The following SMAD1 variants were observed in gnomAD, a reference collection of about 807,000 sequenced individuals.
The protein encoded by SMAD1 is MAD, mothers against decapentaplegic homolog 1.
SMAD1 carries 6 observed loss-of-function variants against 41.6 expected under a neutral mutation model. The observed-to-expected ratio is 0.14, with a 90% confidence interval of 0.08 to 0.28. The LOEUF is 0.28. SMAD1 is among the 10% of genes least tolerant of loss of function. The probability of loss-of-function intolerance (pLI) is 1.00; values close to 1 mark genes in which losing one functional copy is unlikely to be tolerated. For missense variants in SMAD1, 379 were observed against 582.6 expected (o/e 0.65, Z 3.60); for synonymous variants, 206 against 203.2 (o/e 1.01, Z -0.12).
intron 1 of SMAD1, among the ~76,000 whole-genome samples, chr4:145,492,444 G>A (rs185137633): frequency 6.6e-6 from 1 of 152,196 alleles, no homozygotes; most frequent in African/African-American, 2.4e-5. Flanking sequence ...ATATTAAAAA[G>A]GATACAGATG....
intron 1 of SMAD1, among the ~76,000 whole-genome samples, chr4:145,492,205 G>A (rs1034631242): frequency 1.3e-5 from 2 of 152,050 alleles, no homozygotes; most frequent in African/African-American, 4.8e-5. Flanking sequence ...AACACTGGCT[G>A]GGCTGGGTGT....
chr4:145,516,190 C>T (rs893664954), intron 2 of SMAD1, among the ~76,000 whole-genome samples: 3 of 152,144 alleles, frequency 2.0e-5, no homozygotes, highest in Non-Finnish European at 2.9e-5. Flanking sequence ...TTATCATTCT[C>T]ATGCATGTTT....
intron 6 of SMAD1, among the ~76,000 whole-genome samples, chr4:145,555,368 T>C (rs1305814056): frequency 6.6e-6 from 1 of 152,232 alleles, no homozygotes; most frequent in Non-Finnish European, 1.5e-5. Context: ...AGAACAGCTC[T>C]TGAGAGTCGA....
At chr4:145,543,293 A>G (rs1258200078) in intron 4 of SMAD1, among the ~76,000 whole-genome samples, 2 of 152,130 alleles carry the variant, frequency 1.3e-5, no homozygotes, top group Non-Finnish European at 2.9e-5. Flanking sequence ...AATGAACAAA[A>G]TGGTATTTAG....
rs1730531039 is a variant in SMAD1, at chr4:145,518,230, A to T, written c.400+3217A>T. Among the ~76,000 whole-genome samples, 11 of 126,202 alleles carry T rather than the reference A, an allele frequency of 8.7e-5. 2 individuals are homozygous for T. The South Asian group carries it at 2.9e-3, about 33-fold the overall frequency. 82.8% of individuals were successfully genotyped at this position (126,202 alleles called of 152,430 possible). ...TGCAGCACACTATGATCATGCCTGT[A>T]AATAGCCATTACGTTCTAGCCTGGG... On this transcript the variant is annotated intron_variant, in intron 2 of 6. Coordinates refer to ENST00000302085, the MANE Select transcript of SMAD1 (RefSeq NM_005900.3).
intron 1 of SMAD1, among the ~76,000 whole-genome samples, chr4:145,485,282 C>T (rs1043896625): frequency 6.6e-5 from 10 of 152,174 alleles, no homozygotes; most frequent in Non-Finnish European, 1.5e-4. Flanking sequence ...CGTCATGTTG[C>T]CCAGGCTGGT....
chr4:145,505,900 A>C (rs563381172), intron 1 of SMAD1, among the ~76,000 whole-genome samples: 1 of 151,936 alleles, frequency 6.6e-6, no homozygotes, highest in Non-Finnish European at 1.5e-5. Context: ...GCTGGAGTGC[A>C]ATGGCACAAT....
chr4:145,508,310 A>G (rs1374872394), intron 1 of SMAD1, among the ~76,000 whole-genome samples: 1 of 152,106 alleles, frequency 6.6e-6, no homozygotes, highest in Non-Finnish European at 1.5e-5. Flanking sequence ...TGTTGGAACA[A>G]GCCATTTGGA....
chr4:145,494,492 C>T (rs1578740600), intron 1 of SMAD1, among the ~76,000 whole-genome samples: 3 of 152,126 alleles, frequency 2.0e-5, no homozygotes, highest in Non-Finnish European at 2.9e-5. Context: ...CTGAGTTCCT[C>T]GAGGGTATGG....
In SMAD1 at chr4:145,542,592, C is replaced by G. The variant is rs757048544; in HGVS notation, c.669C>G (p.Pro223=). 1 of 1,606,480 alleles carries G rather than the reference C, an allele frequency of 6.2e-7. No homozygotes were observed. The highest frequency in any genetic ancestry group is 1.1e-5 in the South Asian group (1 of 89,470). The part of the protein sequence containing the change: ...GSPFQMPADT[P]PPAYLPPEDP... ...TTAAAAACTTTGTAGCTGATACGCC[C>G]CCACCTGCTTACCTGCCTCCTGAAG... The change falls in exon 4 of 7, where the codon CCC becomes CCG. Residue 223 remains proline (P), a synonymous_variant. Coordinates refer to ENST00000302085, the MANE Select transcript of SMAD1 (RefSeq NM_005900.3).
At chr4:145,547,577 C>G (rs577730739) in intron 5 of SMAD1, among the ~76,000 whole-genome samples, 6 of 152,232 alleles carry the variant, frequency 3.9e-5, no homozygotes, top group South Asian at 2.1e-4. Flanking sequence ...AAATAAATCC[C>G]GAACTCTTTT....
chr4:145,551,464 T>A (rs1456318391), intron 5 of SMAD1, among the ~76,000 whole-genome samples: 4 of 152,074 alleles, frequency 2.6e-5, no homozygotes, highest in African/African-American at 9.7e-5. Context: ...AACTAAGAGA[T>A]TGCAAACTTC....
chr4:145,484,671 A>G (rs764471026), intron 1 of SMAD1: 2 of 152,246 alleles, frequency 1.3e-5, no homozygotes, highest in Non-Finnish European at 2.9e-5. Flanking sequence ...TCTGAATTGT[A>G]TAAGTAGCTT....
At chr4:145,544,620 A>G (rs1732144648) in intron 4 of SMAD1, 1 of 152,220 alleles carries the variant, frequency 6.6e-6, no homozygotes, top group Non-Finnish European at 1.5e-5. Flanking sequence ...GATAAACTCA[A>G]AGGACCTTTC....
rs534637452 is a variant in SMAD1, at chr4:145,540,928, A to G, written c.658+867A>G. On this transcript the variant is annotated intron_variant, in intron 3 of 6. Transcript: ENST00000302085. ...TCAGTGCTAGGCCTTCAAAAATTGA[A>G]AAGTGGTCCACATTTATATTGCTTT... Among the ~76,000 whole-genome samples, 15 of 152,318 alleles carry G rather than the reference A, an allele frequency of 9.8e-5. 1 individual carries two copies. In the South Asian group the frequency reaches 3.1e-3, roughly 32 times the overall value.
At position 145,514,629 on chromosome 4, in the gene SMAD1, T is replaced by G. The variant is rs1263555564; in HGVS notation, c.16T>G (p.Leu6Val). The G allele has an allele frequency of 6.2e-7, 1 of 1,606,300 alleles. No homozygotes were observed. Among genetic ancestry groups the G allele is most frequent in the African/African-American group, 1.3e-5 (1 of 74,192 alleles). Residue 6 changes from leucine (L) to valine (V), a missense_variant, in exon 2 of 7, where the codon TTA becomes GTA. Physicochemically the swap from Leu to Val is conservative, Grantham distance 32. This residue lies in a region of SMAD1 where 64 missense variants were observed against 153.9 expected (regional missense o/e 0.42). Coordinates refer to ENST00000302085, the MANE Select transcript of SMAD1 (RefSeq NM_005900.3). The surrounding 1 kb of genome is among the most constrained non-coding windows in gnomAD (Gnocchi z 4.7). MNVTS[L>V]FSFTSPAVKR... ...TGCTGTCATTATGAATGTGACAAGTTTATTTTCCTTTACAAGTCCAGCTGT... is the reference window on the plus strand; with the variant it reads ...TGCTGTCATTATGAATGTGACAAGTGTATTTTCCTTTACAAGTCCAGCTGT...
At chr4:145,535,483 A>T (rs377550368) in intron 2 of SMAD1, among the ~76,000 whole-genome samples, 1 of 152,216 alleles carries the variant, frequency 6.6e-6, no homozygotes, top group Non-Finnish European at 1.5e-5. Context: ...TTATCTGTCA[A>T]ACCACATGAG....
At position 145,502,108 on chromosome 4, in the gene SMAD1, C is replaced by G. The variant is rs557990510; in HGVS notation, c.-176-12330C>G. On this transcript the variant is annotated intron_variant, in intron 1 of 6. Transcript: ENST00000302085. Reference sequence around the variant, plus strand: ...TTCTGAGACAACTACCATAGACTTTCTCCTGGGATAGTCAATAAAATTAAA... The same window carrying G: ...TTCTGAGACAACTACCATAGACTTTGTCCTGGGATAGTCAATAAAATTAAA... Among the ~76,000 whole-genome samples, 311 of 152,314 alleles carry G rather than the reference C, an allele frequency of 2.0e-3. 1 individual carries two copies. Among genetic ancestry groups the G allele is most frequent in the African/African-American group, 7.3e-3 (302 of 41,564 alleles).
chr4:145,491,094 T>C (rs1283006414), intron 1 of SMAD1, among the ~76,000 whole-genome samples: 1 of 152,180 alleles, frequency 6.6e-6, no homozygotes, highest in East Asian at 1.9e-4. Flanking sequence ...AAGGAAACTT[T>C]TTATAGATTT....
Sources: gnomAD v4.1 joint callset for allele counts (sites outside exome capture counted in the v4.1 genomes callset) on GRCh38, gnomAD v4.1.1 for gene constraint, gnomAD v4.1.1 regional missense constraint, Gnocchi (gnomAD v3.1) non-coding constraint, MANE v1.5 for transcripts, NCBI Gene and HGNC (gene_info 2026-07-23, HGNC 2026-07-21) for gene names.